IFT122: variants seen among roughly 807,000 people sequenced by gnomAD.
The protein encoded by IFT122 is intraflagellar transport protein 122 homolog.
Under a neutral mutation model 161.6 loss-of-function variants are expected in IFT122, and 118 were observed. That is an observed-to-expected ratio of 0.73 (90% CI 0.63 to 0.85). The LOEUF is 0.85. Ranked by LOEUF, IFT122 falls within the 40% of genes least tolerant of loss-of-function variation. The probability of loss-of-function intolerance (pLI) is 0.00; values close to 1 mark genes in which losing one functional copy is unlikely to be tolerated. For synonymous variants in IFT122, 550 were observed against 602.4 expected (o/e 0.91, Z 1.27); for missense variants, 1,381 against 1,579.6 (o/e 0.87, Z 2.13).
chr3:129,499,650 G>A (rs894460688), intron 18 of IFT122, among the ~76,000 whole-genome samples: 10 of 152,218 alleles, frequency 6.6e-5, no homozygotes, highest in Admixed American at 6.5e-4. Context: ...TGTGAGACGG[G>A]AAGGAAGCAC....
intron 3 of IFT122, among the ~76,000 whole-genome samples, chr3:129,453,540 A>G (rs184035564): frequency 2.4e-4 from 37 of 152,184 alleles, no homozygotes; most frequent in African/African-American, 8.4e-4. Context: ...TGAGCTGCAT[A>G]GTTGTAGAGG....
At chr3:129,483,322 C>T (rs1173292131) in intron 14 of IFT122, among the ~76,000 whole-genome samples, 163 bp from the exon 15 acceptor site, 2 of 151,998 alleles carry the variant, frequency 1.3e-5, no homozygotes, top group African/African-American at 2.4e-5. Context: ...ATTTCTCTTG[C>T]CTCTGTTCAT....
intron 9 of IFT122, among the ~76,000 whole-genome samples, chr3:129,474,818 T>C (rs564146700): frequency 6.6e-6 from 1 of 152,256 alleles, no homozygotes; most frequent in South Asian, 2.1e-4. Flanking sequence ...GTTTTACAAC[T>C]CATATATCTG....
At chr3:129,505,115 G>A (rs2082060361) in intron 21 of IFT122, among the ~76,000 whole-genome samples, 1 of 152,192 alleles carries the variant, frequency 6.6e-6, no homozygotes, top group Admixed American at 6.5e-5. Flanking sequence ...GGCCCTGGCT[G>A]AGCACTTAAC....
chr3:129,490,122 C>T (rs902760432), intron 16 of IFT122, among the ~76,000 whole-genome samples: 5 of 152,158 alleles, frequency 3.3e-5, no homozygotes, highest in African/African-American at 4.8e-5. Flanking sequence ...CTCAGCCTCC[C>T]AAAGTGCTGG....
At chr3:129,516,841 G>GCA (rs144279422) in intron 26 of IFT122, among the ~76,000 whole-genome samples, 14 of 79,622 alleles carry the variant, frequency 1.8e-4, no homozygotes, top group East Asian at 1.3e-3. Flanking sequence ...GACTGCCCCT[G>GCA]CACACACACA....
rs570548878 is a variant in IFT122, at chr3:129,504,064, C to T, written c.2548-255C>T. 76 of 493,730 alleles carry T rather than the reference C, an allele frequency of 1.5e-4. 1 individual carries two copies. The highest frequency in any genetic ancestry group is 1.2e-3 in the African/African-American group (62 of 51,446). 30.6% of individuals were successfully genotyped at this position (493,730 alleles called of 1,614,324 possible). On this transcript the variant is annotated intron_variant, in intron 20 of 29. Transcript: ENST00000348417. ...AAATAAAATGTTTCCGATTCTGTGC[C>T]GCTTCTGTGGTCCAGAAACAGACTG...
chr3:129,510,369 C>T (rs1006887328), intron 23 of IFT122, among the ~76,000 whole-genome samples: 2 of 152,182 alleles, frequency 1.3e-5, no homozygotes, highest in African/African-American at 4.8e-5. Flanking sequence ...CTGTGCATGC[C>T]GTCAGTCTAG....
intron 29 of IFT122, among the ~76,000 whole-genome samples, chr3:129,519,963 G>A (rs1042387254): frequency 9.9e-5 from 15 of 152,140 alleles, no homozygotes; most frequent in Non-Finnish European, 2.1e-4. Context: ...CCCAGCAAGC[G>A]TGATGTGCCC....
At chr3:129,467,369 C>T (rs923602510) in intron 8 of IFT122, among the ~76,000 whole-genome samples, 1 of 152,056 alleles carries the variant, frequency 6.6e-6, no homozygotes, top group African/African-American at 2.4e-5. Context: ...TCAGTCTTTT[C>T]GTGTGTTCAT....
chr3:129,519,545 C>T (rs1462125223), intron 28 of IFT122, 23 bp from the exon 29 acceptor site: 2 of 1,611,910 alleles, frequency 1.2e-6, no homozygotes, highest in Non-Finnish European at 1.7e-6. Flanking sequence ...GGACACTGTG[C>T]CTCCTTCCCG....
intron 1 of IFT122, among the ~76,000 whole-genome samples, chr3:129,448,488 C>T (rs1029964824): frequency 1.3e-5 from 2 of 152,126 alleles, no homozygotes; most frequent in South Asian, 2.1e-4. Flanking sequence ...GCTGGCCACC[C>T]CCACCCTAAT....
Position 129,492,165 on chromosome 3 carries a change from C to A in IFT122, c.2017C>A (p.Arg673=). 6.2e-7 allele frequency: 1 copy of A among 1,612,940 alleles called. No individual in the cohort carries two copies. Among genetic ancestry groups the A allele is most frequent in the South Asian group, 1.1e-5 (1 of 91,042 alleles). The change falls in exon 17 of 30, where the codon CGA becomes AGA. Residue 673 remains arginine (R), a synonymous_variant. Coordinates refer to ENST00000348417, the MANE Select transcript of IFT122 (RefSeq NM_052989.3). ...KKAFIRVQDL[R]YLELISSIEE... is the part of the protein sequence containing the mutation. ...GGCCTTCATCAGAGTACAAGACCTCCGATATTTAGAGCTCATCAGCAGCAT... is the reference window on the plus strand; with the variant it reads ...GGCCTTCATCAGAGTACAAGACCTCAGATATTTAGAGCTCATCAGCAGCAT...
rs768575196 is a variant in IFT122 at position 129,514,427 on chromosome 3, T to C, written c.3026T>C (p.Leu1009Pro). 11 of 1,614,050 alleles carry C rather than the reference T, an allele frequency of 6.8e-6. No individual in the cohort carries two copies. Among genetic ancestry groups the C allele is most frequent in the Non-Finnish European group, 9.3e-6 (11 of 1,180,030 alleles). Reference protein sequence around the residue: ...LFTLAKQSKALGAYRLARHAY... With the variant: ...LFTLAKQSKAPGAYRLARHAY... ...ACCTTGGCCAAGCAGAGCAAGGCCC[T>C]CGGTGCCTACAGGCTGGCCCGGCAC... Residue 1009 changes from leucine to proline, a missense_variant, in exon 25 of 30, where the codon CTC (leucine) becomes CCC (proline). By Grantham distance (98) the Leu-to-Pro change is moderately conservative. Transcript: ENST00000348417.
At chr3:129,492,522 C>G (rs2080257264) in intron 17 of IFT122, among the ~76,000 whole-genome samples, 5 of 152,184 alleles carry the variant, frequency 3.3e-5, no homozygotes, top group Admixed American at 3.3e-4. Context: ...GGTTTGCATC[C>G]TCCTGGTGGC....
Position 129,464,738 on chromosome 3 carries a change from G to A in IFT122, c.520G>A (p.Gly174Ser), listed in dbSNP as rs2076532463. 4 of 1,614,066 alleles carry A rather than the reference G, an allele frequency of 2.5e-6. No individual in the cohort carries two copies. The highest frequency in any genetic ancestry group is 1.1e-5 in the South Asian group (1 of 91,064). Reference sequence around the variant, plus strand: ...GAAAGTAAAGATCGAGCGGCCGGGGGGCTCCCTCTCGCCAATATGGTCCAT... The same window carrying A: ...GAAAGTAAAGATCGAGCGGCCGGGGAGCTCCCTCTCGCCAATATGGTCCAT... ...EEKVKIERPG[G>S]SLSPIWSICW... is the part of the protein sequence containing the mutation. Residue 174 changes from glycine to serine, a missense_variant, in exon 7 of 30, where the codon GGC becomes AGC. Gly to Ser is a moderately conservative substitution (Grantham distance 56, BLOSUM62 0). Around this residue, in one of 7 missense-constraint regions of IFT122, gnomAD observed 544 missense variants for 648.0 expected, o/e 0.84. Coordinates refer to ENST00000348417, the MANE Select transcript of IFT122 (RefSeq NM_052989.3).
intron 11 of IFT122, among the ~76,000 whole-genome samples, chr3:129,477,714 C>T (rs752823438): frequency 4.6e-5 from 7 of 152,140 alleles, no homozygotes; most frequent in Admixed American, 2.0e-4. Flanking sequence ...TTCTGATCAC[C>T]GGGGGCCACT....
intron 12 of IFT122, among the ~76,000 whole-genome samples, chr3:129,479,023 G>A (rs1381175474): frequency 6.6e-6 from 1 of 152,126 alleles, no homozygotes; most frequent in Non-Finnish European, 1.5e-5. Context: ...CAGCATCTTG[G>A]AAGTAGAGGT....
At chr3:129,517,097 GCA>G (rs2083971175) in intron 26 of IFT122, among the ~76,000 whole-genome samples, 1 of 116,980 alleles carries the variant, frequency 8.5e-6, no homozygotes, top group African/African-American at 3.4e-5. Context: ...GACTGCCCCT[GCA>G]CACAGACACA....
Sources: allele counts gnomAD v4.1 joint callset (sites outside exome capture counted in the v4.1 genomes callset), GRCh38; gene constraint gnomAD v4.1.1; regional missense constraint gnomAD v4.1.1; transcripts MANE v1.5; gene names NCBI Gene and HGNC (gene_info 2026-07-23, HGNC 2026-07-21).